The following RCBTB1 variants were observed in gnomAD, a reference collection of about 807,000 sequenced individuals.
RCBTB1 encodes the protein RCC1 and BTB domain containing protein 1, also known as RCC1 and BTB domain-containing protein 1.
RCBTB1 carries 46 observed loss-of-function variants against 62.4 expected under a neutral mutation model. That is an observed-to-expected ratio of 0.74 (90% CI 0.58 to 0.94). The LOEUF is 0.94. Ranked by LOEUF, RCBTB1 falls within the 40% of genes least tolerant of loss-of-function variation. The pLI, the probability that RCBTB1 is intolerant of heterozygous loss-of-function variation, is 0.00. For synonymous variants in RCBTB1, 222 were observed against 245.8 expected (o/e 0.90, Z 0.91); for missense variants, 565 against 654.9 (o/e 0.86, Z 1.50).
In RCBTB1 at chr13:49,585,499, T is replaced by G. The variant is rs1056331452; in HGVS notation, c.-177A>C. 1.3e-5 allele frequency: 2 copies of G among 151,818 alleles called. No homozygotes were observed. Among genetic ancestry groups the G allele is most frequent in the Non-Finnish European group, 2.9e-5 (2 of 67,932 alleles). The allele number at this position is 151,818 out of a possible 1,614,324, so 9.4% of individuals were successfully genotyped here. A position where few individuals can be genotyped will look rare whatever the true frequency, so the allele number is the denominator to read the frequency against. ...GCGGGACCGCAGGGATCTCCGAAGC[T>G]CCAATGGGCGCAGAAGTGCGAGCGA... On this transcript the variant is annotated 5_prime_UTR_variant, in exon 1 of 13. Transcript: ENST00000378302.
At chr13:49,558,328 C>T (rs562864346) in intron 5 of RCBTB1, among the ~76,000 whole-genome samples, 2 of 152,206 alleles carry the variant, frequency 1.3e-5, no homozygotes, top group South Asian at 2.1e-4. Flanking sequence ...CCACATGCAA[C>T]CCTGAACTGG....
Position 49,559,910 on chromosome 13 carries a change from A to T in RCBTB1, c.444+8T>A, listed in dbSNP as rs1962293240. 6.2e-7 allele frequency: 1 copy of T among 1,608,136 alleles called. No individual in the cohort carries two copies. The highest frequency in any genetic ancestry group is 8.5e-7 in the Non-Finnish European group (1 of 1,178,008). Reference sequence around the variant, plus strand: ...AAAAAGAATAAAGAATAAAAGCAGCATACTTACCTCTCCATCAGCTGCCAG... The same window carrying T: ...AAAAAGAATAAAGAATAAAAGCAGCTTACTTACCTCTCCATCAGCTGCCAG... On this transcript the variant is annotated splice_region_variant and intron_variant, in intron 5 of 12. Transcript: ENST00000378302.
intron 5 of RCBTB1, among the ~76,000 whole-genome samples, chr13:49,558,695 C>CAAAAAAAAAAA (rs1186659232): frequency 1.7e-5 from 1 of 59,372 alleles, no homozygotes; most frequent in African/African-American, 6.9e-5. Flanking sequence ...ACTCTGTCTC[C>CAAAAAAAAAAA]AAAAAAAAAA....
In RCBTB1 at chr13:49,555,628, A is replaced by T; in HGVS notation, c.490T>A (p.Ser164Thr). Residue 164 changes from serine to threonine, a missense_variant, in exon 6 of 13, where the codon TCT becomes ACT. Ser to Thr is a moderately conservative substitution (Grantham distance 58). Transcript: ENST00000378302. ...CGAGGAGTTGGTTGATTTGCTGTAG[A>T]ACCTGATCCCACTTGGCCACAGTTG... ...YNNCGQVGSG[S>T]TANQPTPRKV... 6.2e-7 allele frequency: 1 copy of T among 1,612,726 alleles called. No homozygotes were observed. The highest frequency in any genetic ancestry group is 8.5e-7 in the Non-Finnish European group (1 of 1,179,286).
chr13:49,551,135 AGAAGGGG>A (rs1357841073), intron 8 of RCBTB1, 184 bp downstream of exon 8: 1 of 426,326 alleles, frequency 2.3e-6, no homozygotes, highest in Non-Finnish European at 3.9e-6. Flanking sequence ...GGGGGGAGGG[AGAAGGGG>A]GAAGGGGGAA....
chr13:49,549,135 A>T (rs949488863), intron 9 of RCBTB1, among the ~76,000 whole-genome samples: 5 of 23,246 alleles, frequency 2.2e-4, no homozygotes, highest in Non-Finnish European at 3.7e-4. Flanking sequence ...CTGTCTCAAT[A>T]AAAAAAAAAA....
intron 10 of RCBTB1, among the ~76,000 whole-genome samples, chr13:49,543,419 C>T (rs747164058): frequency 2.0e-5 from 3 of 152,130 alleles, no homozygotes; most frequent in Non-Finnish European, 2.9e-5. Context: ...ACTGGTTGAC[C>T]ACAGGTGCAC....
Position 49,567,353 on chromosome 13 carries a change from T to G in RCBTB1, c.-41-33A>C. On this transcript the variant is annotated intron_variant, in intron 2 of 12. Coordinates refer to ENST00000378302, the MANE Select transcript of RCBTB1 (RefSeq NM_018191.4). ...AACAGAAAGGATTCCAGAAAAAAATTAAATAGTCACTGAGCTAACTTTCAA... is the reference window on the plus strand; with the variant it reads ...AACAGAAAGGATTCCAGAAAAAAATGAAATAGTCACTGAGCTAACTTTCAA... The G allele has an allele frequency of 3.9e-6, 6 of 1,522,388 alleles. No individual in the cohort carries two copies. In the South Asian group the frequency reaches 7.3e-5, roughly 19 times the overall value. 94.3% of individuals were successfully genotyped at this position (1,522,388 alleles called of 1,614,324 possible).
chr13:49,540,160 G>A (rs955287174), intron 12 of RCBTB1, among the ~76,000 whole-genome samples: 4 of 152,154 alleles, frequency 2.6e-5, no homozygotes, highest in African/African-American at 4.8e-5. Flanking sequence ...CTTCCTTTAA[G>A]GTACTATCTT....
At chr13:49,559,655 C>CAAAAAAA (rs11458278) in intron 5 of RCBTB1, among the ~76,000 whole-genome samples, 8 of 103,930 alleles carry the variant, frequency 7.7e-5, no homozygotes, top group East Asian at 5.4e-4. Flanking sequence ...GACTCCATCT[C>CAAAAAAA]AAAAAAAAAA....
At chr13:49,582,320 C>G (rs1964151271) in intron 1 of RCBTB1, among the ~76,000 whole-genome samples, 1 of 152,158 alleles carries the variant, frequency 6.6e-6, no homozygotes, top group East Asian at 1.9e-4. Context: ...AACCCCATCT[C>G]TATTAAAAAT....
At position 49,539,114 on chromosome 13, in the gene RCBTB1, C is replaced by CCCGG. The variant is rs527449023; in HGVS notation, c.1455+1761_1455+1762insCCGG. The stretch of plus-strand genomic sequence containing the variant: ...CAAACTCCTGATCTCAAGTGGCCCA[C>CCCGG]CTTGGCCTCCCAAAGTGCCGGGATT... On this transcript the variant is annotated intron_variant, in intron 12 of 12. Coordinates refer to ENST00000378302, the MANE Select transcript of RCBTB1 (RefSeq NM_018191.4). Among the ~76,000 whole-genome samples the CCCGG allele has an allele frequency of 4.9e-4, 75 of 152,170 alleles. No homozygotes were observed. In the South Asian group the frequency reaches 5.4e-3, roughly 11 times the overall value.
intron 10 of RCBTB1, among the ~76,000 whole-genome samples, chr13:49,543,396 A>T (rs886738443): frequency 1.3e-5 from 2 of 152,242 alleles, no homozygotes; most frequent in Non-Finnish European, 2.9e-5. Context: ...AAAACTGTAC[A>T]TGAAAGGAAT....
At chr13:49,565,352 T>A (rs972213078) in intron 4 of RCBTB1, among the ~76,000 whole-genome samples, 1 of 152,012 alleles carries the variant, frequency 6.6e-6, no homozygotes, top group Non-Finnish European at 1.5e-5. Flanking sequence ...AGTGGTGTGA[T>A]CTCGGCTAGC....
chr13:49,561,437 C>T (rs76845091), intron 4 of RCBTB1, among the ~76,000 whole-genome samples: 1 of 152,212 alleles, frequency 6.6e-6, no homozygotes, highest in East Asian at 1.9e-4. Context: ...AAAGATGAGG[C>T]TTAAGACTGA....
chr13:49,545,628 T>C (rs111749191), intron 9 of RCBTB1, among the ~76,000 whole-genome samples: 1 of 152,298 alleles, frequency 6.6e-6, no homozygotes, highest in African/African-American at 2.4e-5. Flanking sequence ...TTTATATGTA[T>C]GAAAGAAGAA....
intron 1 of RCBTB1, among the ~76,000 whole-genome samples, chr13:49,585,072 G>A (rs1271769270): frequency 2.0e-5 from 3 of 152,190 alleles, no homozygotes; most frequent in Admixed American, 2.0e-4. Context: ...GAGAGAATAG[G>A]AAGAGTCGGA....
intron 12 of RCBTB1, among the ~76,000 whole-genome samples, chr13:49,539,135 G>A (rs1014574951): frequency 3.3e-5 from 5 of 151,586 alleles, no homozygotes; most frequent in African/African-American, 1.2e-4. Flanking sequence ...CAAAGTGCCG[G>A]GATTACAGGC....
Position 49,551,542 on chromosome 13 carries a change from T to C in RCBTB1, c.712-74A>G, listed in dbSNP as rs9568247. The stretch of plus-strand genomic sequence containing the variant: ...AGGGAGAACATCTACTTAAAGGCTA[T>C]AGCCAGCTTCTGCAGAATGCCAAAT... On this transcript the variant is annotated intron_variant, in intron 7 of 12. Coordinates refer to ENST00000378302, the MANE Select transcript of RCBTB1 (RefSeq NM_018191.4). The C allele has an allele frequency of 0.18, 268,091 of 1,530,284 alleles. 28,504 individuals carry two copies. The highest frequency in any genetic ancestry group is 0.45 in the African/African-American group (32,523 of 72,702). 94.8% of individuals were successfully genotyped at this position (1,530,284 alleles called of 1,614,324 possible). A position where few individuals can be genotyped will look rare whatever the true frequency, so the allele number is the denominator to read the frequency against.
Sources: gnomAD v4.1 joint callset for allele counts (sites outside exome capture counted in the v4.1 genomes callset) on GRCh38, gnomAD v4.1.1 for gene constraint, MANE v1.5 for transcripts, NCBI Gene and HGNC (gene_info 2026-07-23, HGNC 2026-07-21) for gene names.